Variants in FBN2 observed in about 807,000 individuals in gnomAD.
FBN2 encodes fibrillin 2, also known as fibrillin-2.
In FBN2, 105 loss-of-function variants were observed where a neutral mutation model predicts 355.6. That is an observed-to-expected ratio of 0.30 (90% CI 0.25 to 0.35). FBN2 has a LOEUF of 0.35. Ranked by LOEUF, FBN2 falls within the 10% of genes least tolerant of loss-of-function variation. The pLI is 1.00. For missense variants in FBN2, 3,280 were observed against 3,758.7 expected, an observed-to-expected ratio of 0.87 and a Z score of 3.33; for synonymous variants, 1,350 against 1,301.2, an observed-to-expected ratio of 1.04 and a Z score of -0.81.
rs143390521 is a variant in FBN2, at chr5:128,259,610, T to G, written c.8584A>C (p.Lys2862Gln). 5.0e-6 allele frequency: 8 copies of G among 1,614,082 alleles called. No homozygotes were observed. Among genetic ancestry groups the G allele is most frequent in the African/African-American group, 2.7e-5 (2 of 75,032 alleles). Residue 2862 changes from lysine to glutamine, a missense_variant, in exon 65 of 65, where the codon AAG becomes CAG. Lys to Gln is a moderately conservative substitution (Grantham distance 53, BLOSUM62 1). Transcript: ENST00000262464. ...AGTGTGTATGTGCCGGGCATGAGCT[T>G]CTTCTTGGCCGTGTGCAAGTAGCTG... is the stretch of plus-strand genomic sequence containing the variant. ...GLSYLHTAKK[K>Q]LMPGTYTLEI...
intron 40 of FBN2, 99 bp downstream of exon 40, chr5:128,309,884 C>A (rs1376206729): frequency 7.4e-7 from 1 of 1,352,324 alleles, no homozygotes; most frequent in African/African-American, 1.4e-5. Flanking sequence ...TTCACGAAGA[C>A]TGAACTTCCA....
intron 34 of FBN2, among the ~76,000 whole-genome samples, chr5:128,327,572 A>AT (rs61333538): frequency 0.58 from 80,572 of 138,080 alleles, 22,838 homozygotes; most frequent in East Asian, 0.81. Flanking sequence ...GCAGTTAGGT[A>AT]TTTTTTTTTT....
intron 39 of FBN2, among the ~76,000 whole-genome samples, 178 bp downstream of exon 39, chr5:128,311,122 A>G (rs1349362815): frequency 6.6e-6 from 1 of 152,124 alleles, no homozygotes; most frequent in African/African-American, 2.4e-5. Context: ...GCAACGAGCC[A>G]TAAATTAATT....
At chr5:128,295,526 T>C (rs1749480762) in intron 48 of FBN2, among the ~76,000 whole-genome samples, 1 of 146,706 alleles carries the variant, frequency 6.8e-6, no homozygotes, top group Non-Finnish European at 1.5e-5. Context: ...TAGTGGTTTG[T>C]AGTTCTCCTT....
At chr5:128,524,107 T>C (rs1756504922) in intron 4 of FBN2, among the ~76,000 whole-genome samples, 3 of 152,236 alleles carry the variant, frequency 2.0e-5, no homozygotes, top group Admixed American at 6.5e-5. Context: ...ACTCAATTCT[T>C]ACCATTTTCC....
intron 11 of FBN2, among the ~76,000 whole-genome samples, chr5:128,383,113 C>G (rs544149427): frequency 6.6e-6 from 1 of 151,988 alleles, no homozygotes; most frequent in Non-Finnish European, 1.5e-5. Flanking sequence ...TTTCAGACCA[C>G]GATGCAGACA....
At chr5:128,343,919 G>A (rs754758376) in intron 25 of FBN2, among the ~76,000 whole-genome samples, 2 of 152,144 alleles carry the variant, frequency 1.3e-5, no homozygotes, top group South Asian at 2.1e-4. Flanking sequence ...TGGTTTAAGT[G>A]TAGAGAAAAG....
chr5:128,471,205 G>C (rs933722037), intron 5 of FBN2, among the ~76,000 whole-genome samples: 1 of 151,928 alleles, frequency 6.6e-6, no homozygotes, highest in Non-Finnish European at 1.5e-5. Flanking sequence ...TAATTCCTTC[G>C]AGTAATGGAG....
intron 36 of FBN2, among the ~76,000 whole-genome samples, chr5:128,317,499 A>G (rs907735911): frequency 6.6e-6 from 1 of 152,242 alleles, no homozygotes; most frequent in Non-Finnish European, 1.5e-5. Flanking sequence ...CACTGAGGAC[A>G]GTAGGCAGAT....
At chr5:128,397,266 G>A (rs774144667) in intron 8 of FBN2, among the ~76,000 whole-genome samples, 2 of 152,074 alleles carry the variant, frequency 1.3e-5, no homozygotes, top group Non-Finnish European at 2.9e-5. Context: ...TTATGAACCC[G>A]AAGTATCATA....
intron 5 of FBN2, among the ~76,000 whole-genome samples, chr5:128,474,095 T>C (rs1004949134): frequency 1.3e-5 from 2 of 152,190 alleles, no homozygotes; most frequent in Non-Finnish European, 2.9e-5. Context: ...TCACGTTTCA[T>C]ACGGGTGAAG....
chr5:128,363,236 G>C (rs1230691633), intron 18 of FBN2, among the ~76,000 whole-genome samples: 1 of 151,724 alleles, frequency 6.6e-6, no homozygotes, highest in Non-Finnish European at 1.5e-5. Flanking sequence ...TGTCACCACG[G>C]CTGGAGTGCA....
intron 28 of FBN2, 36 bp downstream of exon 28, chr5:128,335,952 A>G: frequency 6.2e-7 from 1 of 1,611,812 alleles, no homozygotes; most frequent in African/African-American, 1.3e-5. Flanking sequence ...CTGATTTGAG[A>G]CATATGAGTT....
At chr5:128,492,064 T>G (rs888555148) in intron 5 of FBN2, among the ~76,000 whole-genome samples, 1 of 152,160 alleles carries the variant, frequency 6.6e-6, no homozygotes, top group African/African-American at 2.4e-5. Flanking sequence ...AAGTTTTCCC[T>G]CCCTCTCACT....
At chr5:128,312,012 G>T in intron 37 of FBN2, 59 bp from the exon 38 acceptor site, 1 of 1,201,138 alleles carries the variant, frequency 8.3e-7, no homozygotes, top group South Asian at 1.3e-5. Flanking sequence ...CTGAGACAAT[G>T]AGCAAGCATT....
chr5:128,293,537 A>G (rs776879224), intron 48 of FBN2, among the ~76,000 whole-genome samples: 15 of 152,182 alleles, frequency 9.9e-5, no homozygotes, highest in Non-Finnish European at 1.8e-4. Context: ...AGAGATGCAA[A>G]CTAGTGTCAT....
At chr5:128,302,894 T>G in intron 46 of FBN2, 79 bp downstream of exon 46, 1 of 858,318 alleles carries the variant, frequency 1.2e-6, no homozygotes, top group Non-Finnish European at 2.0e-6. Context: ...TTTTTTTTTG[T>G]TCTTTAGTTT....
intron 64 of FBN2, among the ~76,000 whole-genome samples, chr5:128,261,112 CACAA>C (rs1764952951): frequency 6.6e-6 from 1 of 152,096 alleles, no homozygotes; most frequent in Non-Finnish European, 1.5e-5. Flanking sequence ...GTTAAATAAA[CACAA>C]ACTATGTAAC....
At chr5:128,385,608 A>G (rs751815765) in intron 11 of FBN2, among the ~76,000 whole-genome samples, 4 of 152,106 alleles carry the variant, frequency 2.6e-5, no homozygotes, top group Non-Finnish European at 5.9e-5. Flanking sequence ...TCTGTTTTAA[A>G]TTATTTGAGA....
Sources: gnomAD v4.1 joint callset for allele counts (sites outside exome capture counted in the v4.1 genomes callset) on GRCh38, gnomAD v4.1.1 for gene constraint, MANE v1.5 for transcripts, NCBI Gene and HGNC (gene_info 2026-07-23, HGNC 2026-07-21) for gene names.